GFOD2: variants seen among roughly 807,000 people sequenced by gnomAD.
The protein encoded by GFOD2 is Gfo/Idh/MocA-like oxidoreductase domain containing 2.
Under a neutral mutation model 24.6 loss-of-function variants are expected in GFOD2, and 9 were observed. The ratio of observed to expected loss-of-function variants is 0.37; its 90% confidence interval spans 0.22 to 0.64. The LOEUF (loss-of-function observed/expected upper bound fraction) is 0.64. Among genes scored for constraint, GFOD2 ranks in the 30% least tolerant of loss-of-function variants. GFOD2 has a pLI of 0.65. For missense variants in GFOD2, 476 were observed against 532.5 expected (o/e 0.89, Z 1.04); for synonymous variants, 211 against 224.8 (o/e 0.94, Z 0.55).
At chr16:67,685,883 T>C in intron 1 of GFOD2, 81 bp from the exon 2 acceptor site, 3 of 775,588 alleles carry the variant, frequency 3.9e-6, no homozygotes, top group Non-Finnish European at 6.0e-6. Context: ...TGAGATGGAG[T>C]CTCGCTCTGT....
At chr16:67,704,151 T>G (rs2053422753) in intron 1 of GFOD2, among the ~76,000 whole-genome samples, 1 of 152,252 alleles carries the variant, frequency 6.6e-6, no homozygotes. Context: ...GCTATGAACT[T>G]GGGAGTACAA....
At chr16:67,704,274 A>C (rs2053423616) in intron 1 of GFOD2, among the ~76,000 whole-genome samples, 1 of 152,116 alleles carries the variant, frequency 6.6e-6, no homozygotes, top group Admixed American at 6.6e-5. Context: ...ATATTTACTC[A>C]CTGTCCCTAC....
chr16:67,706,919 TATG>T (rs1222604936), intron 1 of GFOD2, among the ~76,000 whole-genome samples: 7 of 151,736 alleles, frequency 4.6e-5, no homozygotes, highest in African/African-American at 1.7e-4. Context: ...ATTAGCCAGG[TATG>T]GTGGTGGGCA....
intron 1 of GFOD2, among the ~76,000 whole-genome samples, chr16:67,703,131 C>T (rs944711086): frequency 2.0e-5 from 3 of 152,154 alleles, no homozygotes; most frequent in African/African-American, 7.2e-5. Flanking sequence ...TGGCCAGCCA[C>T]GGTGGCTCAT....
intron 2 of GFOD2, chr16:67,681,744 G>GT: frequency 1.0e-6 from 1 of 985,360 alleles, no homozygotes; most frequent in African/African-American, 1.7e-5. Context: ...GGGCTCAGTA[G>GT]TATCAGTGTG....
intron 1 of GFOD2, among the ~76,000 whole-genome samples, chr16:67,697,364 T>C (rs1420416745): frequency 6.6e-6 from 1 of 152,240 alleles, no homozygotes; most frequent in African/African-American, 2.4e-5. Flanking sequence ...AAAAAAGATA[T>C]CTGTTAACTA....
At chr16:67,695,784 C>A (rs2053354291) in intron 1 of GFOD2, among the ~76,000 whole-genome samples, 1 of 152,038 alleles carries the variant, frequency 6.6e-6, no homozygotes, top group Admixed American at 6.6e-5. Flanking sequence ...GATCCTCCTG[C>A]CTCGGCCTCC....
chr16:67,714,331 T>C (rs1178694370), intron 1 of GFOD2, among the ~76,000 whole-genome samples: 2 of 151,472 alleles, frequency 1.3e-5, no homozygotes, highest in African/African-American at 2.4e-5. Flanking sequence ...ATACAAAAAT[T>C]AGCCAGGCAT....
At chr16:67,703,290 C>A (rs1386603594) in intron 1 of GFOD2, among the ~76,000 whole-genome samples, 3 of 152,130 alleles carry the variant, frequency 2.0e-5, no homozygotes, top group Non-Finnish European at 2.9e-5. Context: ...GTAATCCCAG[C>A]CACTTGGGAG....
In GFOD2 at chr16:67,675,162, T is replaced by C. The variant is rs2053173375; in HGVS notation, c.1151A>G (p.Asn384Ser). The change falls in exon 3 of 3, where the codon AAC becomes AGC. Residue 384 changes from asparagine (N) to serine (S), a missense_variant. Asn to Ser is a conservative substitution (Grantham distance 46). Coordinates refer to ENST00000268797, the MANE Select transcript of GFOD2 (RefSeq NM_030819.4). ...QNLCEALQRN[N>S]L ...AGGAGCCCAGGTGCAGGCTCATAGG[T>C]TGTTCCGCTGAAGTGCCTCACACAG... 3.7e-6 allele frequency: 6 copies of C among 1,611,346 alleles called. No homozygotes were observed. In the East Asian group the frequency reaches 1.3e-4, roughly 36 times the overall value.
At chr16:67,676,417 C>A in intron 2 of GFOD2, 1 of 227,120 alleles carries the variant, frequency 4.4e-6, no homozygotes, top group Non-Finnish European at 8.6e-6. Flanking sequence ...ATGCCTGGCC[C>A]CAATTTCTTC....
intron 1 of GFOD2, among the ~76,000 whole-genome samples, chr16:67,690,724 A>G (rs958604565): frequency 1.3e-5 from 2 of 152,310 alleles, no homozygotes; most frequent in African/African-American, 4.8e-5. Context: ...CACCCTCTGT[A>G]TTATGATTAA....
intron 1 of GFOD2, among the ~76,000 whole-genome samples, chr16:67,700,838 G>A (rs897616006): frequency 6.7e-6 from 1 of 149,434 alleles, no homozygotes; most frequent in Admixed American, 6.7e-5. Context: ...TTTGAGACCA[G>A]CCTGGCCAAC....
At position 67,685,611 on chromosome 16, in the gene GFOD2, C is replaced by G; in HGVS notation, c.105G>C (p.Gly35=). 2 of 1,614,174 alleles carry G rather than the reference C, an allele frequency of 1.2e-6. No homozygotes were observed. The highest frequency in any genetic ancestry group is 8.5e-7 in the Non-Finnish European group (1 of 1,180,038). ...AEGFTVEALW[G]KTEEEAKQLA... The stretch of plus-strand genomic sequence containing the variant: ...GCTGCTTCGCCTCCTCCTCAGTCTT[C>G]CCCCACAGGGCCTCAACAGTGAACC... The change falls in exon 2 of 3, where the codon GGG becomes GGC. Residue 35 remains glycine, a synonymous_variant. Transcript: ENST00000268797.
intron 1 of GFOD2, among the ~76,000 whole-genome samples, chr16:67,696,293 G>A (rs369697280): frequency 1.3e-5 from 2 of 150,632 alleles, no homozygotes; most frequent in South Asian, 2.1e-4. Context: ...GATTACAGGC[G>A]TGAGCCACCG....
intron 1 of GFOD2, among the ~76,000 whole-genome samples, chr16:67,707,628 A>G (rs1361036930): frequency 6.6e-6 from 1 of 152,212 alleles, no homozygotes; most frequent in East Asian, 1.9e-4. Context: ...ACAAATGTTC[A>G]CATCATAAAT....
intron 1 of GFOD2, among the ~76,000 whole-genome samples, chr16:67,712,180 A>G (rs2053478765): frequency 6.6e-6 from 1 of 152,032 alleles, no homozygotes; most frequent in African/African-American, 2.4e-5. Flanking sequence ...TCAAAACCAT[A>G]CTATAGAAAA....
In GFOD2 at chr16:67,675,623, A is replaced by G. The variant is rs769696435; in HGVS notation, c.690T>C (p.Gly230=). 19 of 1,613,120 alleles carry G rather than the reference A, an allele frequency of 1.2e-5. No individual in the cohort carries two copies. Among genetic ancestry groups the G allele is most frequent in the Admixed American group, 1.7e-5 (1 of 60,026 alleles). Reference sequence around the variant, plus strand: ...GTGTCACTGTGCTACACACACCCCCACCCATGAGCATCTGGAAGAAACAGA... The same window carrying G: ...GTGTCACTGTGCTACACACACCCCCGCCCATGAGCATCTGGAAGAAACAGA... ...DDFCFFQMLM[G]GGVCSTVTLN... The change falls in exon 3 of 3, where the codon GGT becomes GGC. Residue 230 remains glycine (G), a synonymous_variant. Transcript: ENST00000268797.
In GFOD2 at chr16:67,675,160, G is replaced by A. The variant is rs958098738; in HGVS notation, c.1153C>T (p.Leu385=). Residue 385 remains leucine, a synonymous_variant, in exon 3 of 3, where the codon CTA becomes TTA. Coordinates refer to ENST00000268797, the MANE Select transcript of GFOD2 (RefSeq NM_030819.4). ...NLCEALQRNN[L] is the part of the protein sequence containing the mutation. The stretch of plus-strand genomic sequence containing the variant: ...CAAGGAGCCCAGGTGCAGGCTCATA[G>A]GTTGTTCCGCTGAAGTGCCTCACAC... The A allele has an allele frequency of 6.2e-7, 1 of 1,611,016 alleles. No homozygotes were observed. The highest frequency in any genetic ancestry group is 1.3e-5 in the African/African-American group (1 of 74,924).
Sources: gnomAD v4.1 joint callset for allele counts (sites outside exome capture counted in the v4.1 genomes callset) on GRCh38, gnomAD v4.1.1 for gene constraint, MANE v1.5 for transcripts, NCBI Gene and HGNC (gene_info 2026-07-23, HGNC 2026-07-21) for gene names.